Variants in SMYD4 observed in about 807,000 individuals in gnomAD.
SMYD4 encodes protein-lysine N-methyltransferase SMYD4.
Under a neutral mutation model 72.8 loss-of-function variants are expected in SMYD4, and 68 were observed. That is an observed-to-expected ratio of 0.93 (90% confidence interval 0.77 to 1.14). The LOEUF (loss-of-function observed/expected upper bound fraction) is 1.14, where lower values mean the gene tolerates loss of function less well. Among genes scored for constraint, SMYD4 ranks in the 50% most tolerant of loss-of-function variants. The pLI is 0.00. For synonymous variants in SMYD4, 407 were observed against 388.6 expected, an observed-to-expected ratio of 1.05 and a Z score of -0.56; for missense variants, 984 against 1,003.7, an observed-to-expected ratio of 0.98 and a Z score of 0.27.
chr17:1,793,394 ATTTT>A (rs1260192087), intron 5 of SMYD4, among the ~76,000 whole-genome samples: 1 of 142,758 alleles, frequency 7.0e-6, no homozygotes, highest in Non-Finnish European at 1.5e-5. Flanking sequence ...TCAGCTGAGT[ATTTT>A]TTTTTTTTCT....
At chr17:1,821,428 C>T (rs6502994) in intron 2 of SMYD4, among the ~76,000 whole-genome samples, 98,581 of 151,774 alleles carry the variant, frequency 0.65, 33,758 homozygotes, top group Non-Finnish European at 0.79. Flanking sequence ...GCAGGAGAAT[C>T]GCTTCAACCC....
chr17:1,800,381 C>T lies in SMYD4; in HGVS notation c.1013G>A (p.Gly338Glu). Residue 338 changes from glycine (G) to glutamate (E), a missense_variant, in exon 5 of 11, where the codon GGA (glycine) becomes GAA (glutamate). Gly to Glu is a moderately conservative substitution (Grantham distance 98). Coordinates refer to ENST00000305513, the MANE Select transcript of SMYD4 (RefSeq NM_052928.3). Reference protein sequence around the residue: ...ELYHRTECPLGGLLLTLGVFC... With the variant: ...ELYHRTECPLEGLLLTLGVFC... ...GACACCCAGTGTGAGAAGCAGCCCT[C>T]CCAGAGGACATTCTGTCCTGTGGTA... is the stretch of plus-strand genomic sequence containing the variant. 1 of 1,614,196 alleles carries T rather than the reference C, an allele frequency of 6.2e-7. No homozygotes were observed. Among genetic ancestry groups the T allele is most frequent in the Non-Finnish European group, 8.5e-7 (1 of 1,180,030 alleles).
At chr17:1,822,218 A>T (rs1000549017) in intron 2 of SMYD4, among the ~76,000 whole-genome samples, 8 of 152,138 alleles carry the variant, frequency 5.3e-5, no homozygotes, top group Non-Finnish European at 7.3e-5. Flanking sequence ...TGGGTAACAG[A>T]GTGAGACTCT....
chr17:1,824,321 C>T (rs192897304), intron 2 of SMYD4, among the ~76,000 whole-genome samples: 43 of 152,180 alleles, frequency 2.8e-4, no homozygotes, highest in Admixed American at 1.2e-3. Context: ...CCAGCCTGGG[C>T]GACAGAGGGA....
At chr17:1,786,232 G>A (rs577065885) in intron 7 of SMYD4, among the ~76,000 whole-genome samples, 17 of 152,292 alleles carry the variant, frequency 1.1e-4, no homozygotes, top group African/African-American at 4.1e-4. Flanking sequence ...GAAATCCGCA[G>A]GCTGGGCTGC....
At chr17:1,814,938 C>T (rs995932543) in intron 2 of SMYD4, 1 of 152,134 alleles carries the variant, frequency 6.6e-6, no homozygotes, top group Non-Finnish European at 1.5e-5. Context: ...AGAGCTTGTT[C>T]TTTTTTCTGT....
chr17:1,811,182 G>A (rs1028898149), intron 3 of SMYD4, among the ~76,000 whole-genome samples: 1 of 152,182 alleles, frequency 6.6e-6, no homozygotes. Flanking sequence ...ACTGCCCTGG[G>A]GTCGGAGCCC....
At chr17:1,807,091 C>T (rs891351498) in intron 3 of SMYD4, among the ~76,000 whole-genome samples, 16 of 151,994 alleles carry the variant, frequency 1.1e-4, no homozygotes, top group South Asian at 4.2e-4. Context: ...GGTTTCACCA[C>T]GTTGGCAAGG....
At chr17:1,796,095 A>G (rs1307434258) in intron 5 of SMYD4, among the ~76,000 whole-genome samples, 5 of 152,146 alleles carry the variant, frequency 3.3e-5, no homozygotes, top group African/African-American at 9.6e-5. Flanking sequence ...ATATGTATCT[A>G]TTCTTCCAGT....
rs145897732 is a variant in SMYD4 at position 1,787,470 on chromosome 17, G to A, written c.1672C>T (p.Arg558Trp). ...VSFISTVATI[R>W]ASQRIRKGQE... ...CCCTTTCTAATCCGCTGTGACGCCC[G>A]GATGGTGGCGACAGTGCTAATGAAG... Residue 558 changes from arginine to tryptophan, a missense_variant, in exon 6 of 11, where the codon CGG (arginine) becomes TGG (tryptophan). Coordinates refer to ENST00000305513, the MANE Select transcript of SMYD4 (RefSeq NM_052928.3). 179 of 1,566,824 alleles carry A rather than the reference G, an allele frequency of 1.1e-4. No homozygotes were observed. The highest frequency in any genetic ancestry group is 1.5e-4 in the Non-Finnish European group (170 of 1,155,748).
At chr17:1,823,712 T>G (rs1237317504) in intron 2 of SMYD4, among the ~76,000 whole-genome samples, 1 of 152,028 alleles carries the variant, frequency 6.6e-6, no homozygotes, top group African/African-American at 2.4e-5. Context: ...GTCTCATACC[T>G]CTGGTTGAAG....
chr17:1,801,149 T>C lies in SMYD4; in HGVS notation c.370-125A>G, dbSNP rs1909726416. On this transcript the variant is annotated intron_variant, in intron 4 of 10. Coordinates refer to ENST00000305513, the MANE Select transcript of SMYD4 (RefSeq NM_052928.3). ...AAAAAATGGAACAATTACAACCACA[T>C]GCTTATTAAAATCATATAGTTCTGT... The C allele has an allele frequency of 1.1e-5, 9 of 817,872 alleles. No homozygotes were observed. In the South Asian group the frequency reaches 1.6e-4, roughly 15 times the overall value. 50.7% of individuals were successfully genotyped at this position (817,872 alleles called of 1,614,324 possible).
intron 8 of SMYD4, among the ~76,000 whole-genome samples, chr17:1,784,075 G>C (rs572619339): frequency 3.9e-5 from 6 of 152,216 alleles, no homozygotes; most frequent in Non-Finnish European, 7.3e-5. Flanking sequence ...TAGTTGGCAG[G>C]GGTACTTCAA....
chr17:1,785,077 G>A (rs1241367715), intron 7 of SMYD4, among the ~76,000 whole-genome samples: 2 of 148,174 alleles, frequency 1.3e-5, no homozygotes, highest in Admixed American at 6.7e-5. Context: ...GTGAGCCACC[G>A]TGCCCGGCCT....
intron 5 of SMYD4, among the ~76,000 whole-genome samples, chr17:1,793,733 C>A (rs1352229808): frequency 6.6e-6 from 1 of 151,810 alleles, no homozygotes; most frequent in African/African-American, 2.4e-5. Flanking sequence ...CAGCCTTCCC[C>A]AGAGGCTCTG....
chr17:1,824,103 G>C (rs1382666866), intron 2 of SMYD4, among the ~76,000 whole-genome samples: 1 of 152,172 alleles, frequency 6.6e-6, no homozygotes, highest in African/African-American at 2.4e-5. Flanking sequence ...AGGACTTTGG[G>C]AGGCCAAGGT....
chr17:1,793,578 T>C (rs1044371240), intron 5 of SMYD4, among the ~76,000 whole-genome samples: 1 of 151,918 alleles, frequency 6.6e-6, no homozygotes, highest in Admixed American at 6.6e-5. Flanking sequence ...GTCACTTCTG[T>C]CTATTGGTCA....
intron 2 of SMYD4, among the ~76,000 whole-genome samples, chr17:1,826,263 C>T (rs1285365483): frequency 1.3e-5 from 2 of 152,004 alleles, no homozygotes; most frequent in Non-Finnish European, 2.9e-5. Flanking sequence ...GAGGCCAAGG[C>T]GGGCGGATCA....
chr17:1,788,697 G>A (rs1002808932), intron 5 of SMYD4, among the ~76,000 whole-genome samples: 5 of 151,922 alleles, frequency 3.3e-5, no homozygotes, highest in South Asian at 2.1e-4. Context: ...AGCCAAGATC[G>A]TGCTGCTGCA....
Sources: allele counts gnomAD v4.1 joint callset (sites outside exome capture counted in the v4.1 genomes callset), GRCh38; gene constraint gnomAD v4.1.1; transcripts MANE v1.5; gene names NCBI Gene and HGNC (gene_info 2026-07-23, HGNC 2026-07-21).